The following MYO3B variants were observed in gnomAD, a reference collection of about 807,000 sequenced individuals.
The protein encoded by MYO3B is myosin IIIB.
MYO3B carries 156 observed loss-of-function variants against 174.6 expected under a neutral mutation model. That is an observed-to-expected ratio of 0.89 (90% confidence interval 0.78 to 1.02). The LOEUF (loss-of-function observed/expected upper bound fraction) is 1.02. MYO3B is among the 50% of genes least tolerant of loss of function. The probability of loss-of-function intolerance (pLI) is 0.00; values close to 1 mark genes in which losing one functional copy is unlikely to be tolerated. For missense variants in MYO3B, 1,632 were observed against 1,639.4 expected (o/e 1.00, Z 0.08); for synonymous variants, 563 against 569.1 (o/e 0.99, Z 0.15).
At chr2:170,217,225 A>G in intron 5 of MYO3B, 94 bp from the exon 6 acceptor site, 2 of 1,044,470 alleles carry the variant, frequency 1.9e-6, no homozygotes, top group Non-Finnish European at 3.0e-6. Flanking sequence ...CAAAGCCTAA[A>G]GTACTTATTT....
At chr2:170,369,104 A>G (rs908878222) in intron 8 of MYO3B, 118 bp from the exon 9 acceptor site, 13 of 805,558 alleles carry the variant, frequency 1.6e-5, no homozygotes, top group Non-Finnish European at 2.5e-5. Flanking sequence ...GCTGTGTATC[A>G]TTAACCAATG....
chr2:170,627,636 A>C (rs1192056187), intron 32 of MYO3B, among the ~76,000 whole-genome samples: 1 of 152,132 alleles, frequency 6.6e-6, no homozygotes, highest in East Asian at 1.9e-4. Flanking sequence ...TCTGATTTTT[A>C]GAATTTTCTG....
rs114658427 is a variant in MYO3B, at chr2:170,488,792, C to T, written c.3015-9800C>T. Among the ~76,000 whole-genome samples the T allele has an allele frequency of 7.8e-3, 1,189 of 152,256 alleles. 13 individuals are homozygous for T. The highest frequency in any genetic ancestry group is 0.026 in the African/African-American group (1,077 of 41,548). ...AAATGGCTCAAAGGGGATAACAGGA[C>T]TCTAATAATCTGATAACTCAGGAAG... is the stretch of plus-strand genomic sequence containing the variant. On this transcript the variant is annotated intron_variant, in intron 25 of 34. Transcript: ENST00000408978.
chr2:170,522,859 G>A (rs943504885), intron 30 of MYO3B, among the ~76,000 whole-genome samples: 1 of 152,258 alleles, frequency 6.6e-6, no homozygotes, highest in East Asian at 1.9e-4. Context: ...TAGCCCTTTT[G>A]TAACAGTACT....
intron 6 of MYO3B, among the ~76,000 whole-genome samples, chr2:170,228,426 T>C (rs7599702): frequency 0.54 from 82,813 of 152,092 alleles, 22,962 homozygotes; most frequent in Admixed American, 0.64. Flanking sequence ...ACAGTGGGAT[T>C]GCACTGGGTC....
chr2:170,547,928 CA>C (rs1690637034), intron 32 of MYO3B, among the ~76,000 whole-genome samples: 1 of 151,618 alleles, frequency 6.6e-6, no homozygotes, highest in Non-Finnish European at 1.5e-5. Flanking sequence ...TATTTTTAAA[CA>C]GGGTGGCTTC....
chr2:170,551,054 A>G (rs534074046), intron 32 of MYO3B, among the ~76,000 whole-genome samples: 1 of 151,604 alleles, frequency 6.6e-6, no homozygotes, highest in South Asian at 2.1e-4. Context: ...CTGAGCCACC[A>G]CACCTGGCTT....
intron 32 of MYO3B, among the ~76,000 whole-genome samples, chr2:170,549,149 G>T (rs1358241713): frequency 1.3e-5 from 2 of 152,234 alleles, no homozygotes; most frequent in African/African-American, 4.8e-5. Flanking sequence ...AAGTACACAA[G>T]CTTTAGTTTA....
chr2:170,368,099 T>C (rs966380197), intron 8 of MYO3B, among the ~76,000 whole-genome samples: 2 of 152,234 alleles, frequency 1.3e-5, no homozygotes, highest in African/African-American at 4.8e-5. Context: ...AATTTAACTT[T>C]TGAGGATTGT....
intron 25 of MYO3B, among the ~76,000 whole-genome samples, chr2:170,480,874 AGT>A (rs1232020746): frequency 6.6e-6 from 1 of 152,234 alleles, no homozygotes; most frequent in Non-Finnish European, 1.5e-5. Context: ...TTCCCACAAC[AGT>A]GTGTTTGCAG....
At chr2:170,590,113 T>G (rs1007779175) in intron 32 of MYO3B, among the ~76,000 whole-genome samples, 1 of 152,204 alleles carries the variant, frequency 6.6e-6, no homozygotes, top group Non-Finnish European at 1.5e-5. Context: ...CAAAATCACC[T>G]AACAACACAT....
At chr2:170,487,740 C>T (rs1686158665) in intron 25 of MYO3B, among the ~76,000 whole-genome samples, 1 of 152,126 alleles carries the variant, frequency 6.6e-6, no homozygotes, top group Non-Finnish European at 1.5e-5. Flanking sequence ...TGAATCAAAG[C>T]AGAGCTCATT....
intron 5 of MYO3B, among the ~76,000 whole-genome samples, chr2:170,216,889 GA>G (rs34018697): frequency 0.61 from 91,745 of 150,142 alleles, 28,692 homozygotes; most frequent in African/African-American, 0.77. Context: ...GTCCATTAGG[GA>G]AAAAAAAAAA....
At position 170,371,213 on chromosome 2, in the gene MYO3B, GTCT is replaced by G. The variant is rs2094241788; in HGVS notation, c.971+1837_971+1839del. 2.7e-5 allele frequency among the ~76,000 whole-genome samples: 2 copies of G among 74,178 alleles called. 1 individual carries two copies. The highest frequency in any genetic ancestry group is 3.5e-4 in the Admixed American group (2 of 5,746). 48.7% of individuals were successfully genotyped at this position (74,178 alleles called of 152,430 possible). The stretch of plus-strand genomic sequence containing the variant: ...AGCCTGGGCGACAGAGCAAGACAGT[GTCT>G]AAAAAAAAAAAAAAAAAAAAAAAAC... On this transcript the variant is annotated intron_variant, in intron 9 of 34. Coordinates refer to ENST00000408978, the MANE Select transcript of MYO3B (RefSeq NM_138995.5).
intron 25 of MYO3B, among the ~76,000 whole-genome samples, chr2:170,489,913 A>G (rs982558079): frequency 5.9e-5 from 9 of 151,918 alleles, no homozygotes; most frequent in African/African-American, 1.7e-4. Context: ...AACTTTTTTT[A>G]GCCAATGTTT....
At chr2:170,425,637 G>A (rs1482780776) in intron 22 of MYO3B, among the ~76,000 whole-genome samples, 1 of 152,168 alleles carries the variant, frequency 6.6e-6, no homozygotes, top group Admixed American at 6.5e-5. Context: ...TCACTGTTCA[G>A]TTGACCTAGT....
intron 23 of MYO3B, among the ~76,000 whole-genome samples, chr2:170,454,002 AG>A (rs1683765716): frequency 6.6e-6 from 1 of 152,204 alleles, no homozygotes; most frequent in African/African-American, 2.4e-5. Context: ...ACACTTACAG[AG>A]GGTTCTTCAA....
At chr2:170,234,363 T>C (rs1334391589) in intron 6 of MYO3B, among the ~76,000 whole-genome samples, 1 of 152,162 alleles carries the variant, frequency 6.6e-6, no homozygotes, top group Non-Finnish European at 1.5e-5. Flanking sequence ...CTTCATACTA[T>C]GTCCTCACAT....
At chr2:170,395,069 T>C (rs1332581076) in intron 16 of MYO3B, among the ~76,000 whole-genome samples, 1 of 152,138 alleles carries the variant, frequency 6.6e-6, no homozygotes, top group Non-Finnish European at 1.5e-5. Flanking sequence ...GTAGCAAACT[T>C]TAGTGTGGAG....
Sources: allele counts gnomAD v4.1 joint callset (sites outside exome capture counted in the v4.1 genomes callset), GRCh38; gene constraint gnomAD v4.1.1; transcripts MANE v1.5; gene names NCBI Gene and HGNC (gene_info 2026-07-23, HGNC 2026-07-21).